The following CRMP1 variants were observed in gnomAD, a reference collection of about 807,000 sequenced individuals.
CRMP1 encodes the protein dihydropyrimidinase-related protein 1.
A neutral mutation model predicts 68.3 loss-of-function variants in CRMP1; 19 were observed. The ratio of observed to expected loss-of-function variants is 0.28; its 90% confidence interval spans 0.19 to 0.41. The LOEUF is 0.41. Ranked by LOEUF, CRMP1 falls within the 10% of genes least tolerant of loss-of-function variation. The pLI, the probability that CRMP1 is intolerant of heterozygous loss-of-function variation, is 1.00. For missense variants in CRMP1, 791 were observed against 967.4 expected (o/e 0.82, Z 2.42); for synonymous variants, 439 against 399.6 (o/e 1.10, Z -1.18).
chr4:5,885,337 C>T (rs1715507962), intron 1 of CRMP1, among the ~76,000 whole-genome samples: 2 of 152,144 alleles, frequency 1.3e-5, no homozygotes, highest in African/African-American at 4.8e-5. Context: ...CACAGGATGA[C>T]CCAGCAACAA....
chr4:5,865,634 AAAAG>A lies in CRMP1; in HGVS notation c.470+1030_470+1033del, dbSNP rs1713942420. 6.6e-6 allele frequency among the ~76,000 whole-genome samples: 1 copy of A among 151,778 alleles called. No individual in the cohort carries two copies. The highest frequency in any genetic ancestry group is 2.4e-5 in the African/African-American group (1 of 41,308). ...GACTCCGTCTCAAAAAAAAAAAAAA[AAAAG>A]AAGGCCGCCGCCTACAGACCCCTGC... On this transcript the variant is annotated intron_variant, in intron 2 of 13. Transcript: ENST00000324989. The surrounding 1 kb of genome is among the most constrained non-coding windows in gnomAD (Gnocchi z 4.1).
Position 5,850,307 on chromosome 4 carries a change from C to T in CRMP1, c.883-835G>A, listed in dbSNP as rs1712528335. 1.3e-5 allele frequency among the ~76,000 whole-genome samples: 2 copies of T among 152,312 alleles called. No individual in the cohort carries two copies. The highest frequency in any genetic ancestry group is 1.3e-4 in the Admixed American group (2 of 15,302). Reference sequence around the variant, plus strand: ...CAGAGGCTGCTCGATTCCATCCATGCCCATGGCTCCAGTAGTTAGAATGAA... The same window carrying T: ...CAGAGGCTGCTCGATTCCATCCATGTCCATGGCTCCAGTAGTTAGAATGAA... On this transcript the variant is annotated intron_variant, in intron 5 of 13. Transcript: ENST00000324989. The surrounding 1 kb of genome is among the most constrained non-coding windows in gnomAD (Gnocchi z 4.4).
At position 5,893,053 on chromosome 4, in the gene CRMP1, C is replaced by T. The variant is rs933697324; in HGVS notation, c.-84G>A. The T allele has an allele frequency of 6.5e-6, 6 of 927,510 alleles. No individual in the cohort carries two copies. The highest frequency in any genetic ancestry group is 5.2e-4 in the Middle Eastern group (1 of 1,934). The allele number at this position is 927,510 out of a possible 1,614,324, so 57.5% of individuals were successfully genotyped here. ...CCGCCGTGCGCCGCGCTCCGCGCCT[C>T]GGTGCGGGCCTGCGGCGGCCCGGGC... On this transcript the variant is annotated 5_prime_UTR_variant, in exon 1 of 14. Coordinates refer to ENST00000324989, the MANE Select transcript of CRMP1 (RefSeq NM_001014809.3).
chr4:5,823,860 C>G (rs1194279780), intron 13 of CRMP1, among the ~76,000 whole-genome samples: 1 of 152,216 alleles, frequency 6.6e-6, no homozygotes, highest in African/African-American at 2.4e-5. Flanking sequence ...AAAACAGACA[C>G]TAACTCATGG....
chr4:5,842,079 A>G lies in CRMP1; in HGVS notation c.1033-651T>C, dbSNP rs1440563025. Among the ~76,000 whole-genome samples the G allele has an allele frequency of 6.6e-6, 1 of 152,192 alleles. No individual in the cohort carries two copies. The highest frequency in any genetic ancestry group is 1.5e-5 in the Non-Finnish European group (1 of 68,036). ...ACGGTGAAACCCTGTCTCTACTGAA[A>G]ATACAAAAAATTAGCCAGTGTGGTG... On this transcript the variant is annotated intron_variant, in intron 7 of 13. Transcript: ENST00000324989. The surrounding 1 kb of genome is among the most constrained non-coding windows in gnomAD (Gnocchi z 4.5).
rs1714341844 is a variant in CRMP1, at chr4:5,870,200, A to C, written c.382-3444T>G. Among the ~76,000 whole-genome samples, 1 of 152,140 alleles carries C rather than the reference A, an allele frequency of 6.6e-6. No homozygotes were observed. The highest frequency in any genetic ancestry group is 2.4e-5 in the African/African-American group (1 of 41,440). On this transcript the variant is annotated intron_variant, in intron 1 of 13. Coordinates refer to ENST00000324989, the MANE Select transcript of CRMP1 (RefSeq NM_001014809.3). The surrounding 1 kb of genome is among the most constrained non-coding windows in gnomAD (Gnocchi z 6.0). ...CTTTGGGCCCTGCTTGATGTTACTT[A>C]TCTGAGTGCCCTCCGCTCGACTTCC...
intron 11 of CRMP1, among the ~76,000 whole-genome samples, chr4:5,833,865 A>G (rs1188152649): frequency 6.6e-6 from 1 of 152,166 alleles, no homozygotes; most frequent in Non-Finnish European, 1.5e-5. Context: ...TAACATGGTG[A>G]AACCTGTCTC....
rs912115187 is a variant in CRMP1, at chr4:5,842,057, G to A, written c.1033-629C>T. Among the ~76,000 whole-genome samples, 9 of 152,176 alleles carry A rather than the reference G, an allele frequency of 5.9e-5. No homozygotes were observed. Among genetic ancestry groups the A allele is most frequent in the African/African-American group, 1.9e-4 (8 of 41,446 alleles). On this transcript the variant is annotated intron_variant, in intron 7 of 13. Transcript: ENST00000324989. The surrounding 1 kb of genome is among the most constrained non-coding windows in gnomAD (Gnocchi z 4.5). ...GATCGAGACCATCCTGGCTAACACG[G>A]TGAAACCCTGTCTCTACTGAAAATA...
intron 1 of CRMP1, among the ~76,000 whole-genome samples, chr4:5,882,199 C>T (rs1715265160): frequency 6.6e-6 from 1 of 152,166 alleles, no homozygotes; most frequent in East Asian, 1.9e-4. Context: ...TTGCTTTGGC[C>T]AGTACACTAT....
rs1286437049 is a variant in CRMP1 at position 5,892,384 on chromosome 4, C to T, written c.381+205G>A. Among the ~76,000 whole-genome samples, 1 of 152,208 alleles carries T rather than the reference C, an allele frequency of 6.6e-6. No individual in the cohort carries two copies. Among genetic ancestry groups the T allele is most frequent in the Non-Finnish European group, 1.5e-5 (1 of 68,024 alleles). Reference sequence around the variant, plus strand: ...GGCGATCCCTTCCGAGTCTCACGGACCACGCCGGCCAGCCCCGACCGAGTC... The same window carrying T: ...GGCGATCCCTTCCGAGTCTCACGGATCACGCCGGCCAGCCCCGACCGAGTC... On this transcript the variant is annotated intron_variant, in intron 1 of 13. Transcript: ENST00000324989. The surrounding 1 kb of genome is among the most constrained non-coding windows in gnomAD (Gnocchi z 8.6).
In CRMP1 at chr4:5,872,424, C is replaced by T. The variant is rs1008092940; in HGVS notation, c.382-5668G>A. ...AACCTAGGCCAGGTGCGGTGGCTCA[C>T]GCCTGTAATCCCAGCACTTTGGGAG... On this transcript the variant is annotated intron_variant, in intron 1 of 13. Coordinates refer to ENST00000324989, the MANE Select transcript of CRMP1 (RefSeq NM_001014809.3). The surrounding 1 kb of genome is among the most constrained non-coding windows in gnomAD (Gnocchi z 4.6). Among the ~76,000 whole-genome samples, 5 of 152,284 alleles carry T rather than the reference C, an allele frequency of 3.3e-5. No individual in the cohort carries two copies. The highest frequency in any genetic ancestry group is 5.9e-5 in the Non-Finnish European group (4 of 68,040).
chr4:5,858,504 G>A lies in CRMP1; in HGVS notation c.656-2197C>T, dbSNP rs915580917. Among the ~76,000 whole-genome samples, 17 of 151,910 alleles carry A rather than the reference G, an allele frequency of 1.1e-4. No homozygotes were observed. The highest frequency in any genetic ancestry group is 3.1e-4 in the African/African-American group (13 of 41,328). On this transcript the variant is annotated intron_variant, in intron 3 of 13. Coordinates refer to ENST00000324989, the MANE Select transcript of CRMP1 (RefSeq NM_001014809.3). The surrounding 1 kb of genome is among the most constrained non-coding windows in gnomAD (Gnocchi z 5.5). ...CACTTCCTTTCCCTCACATGCCCCC[G>A]TGTGTGACCCAGCACCGAAGGCTGT... is the stretch of plus-strand genomic sequence containing the variant.
Position 5,869,137 on chromosome 4 carries a change from G to C in CRMP1, c.382-2381C>G, listed in dbSNP as rs139850515. 1.7e-4 allele frequency among the ~76,000 whole-genome samples: 26 copies of C among 152,086 alleles called. No homozygotes were observed. The East Asian group carries it at 4.9e-3, about 28-fold the overall frequency. On this transcript the variant is annotated intron_variant, in intron 1 of 13. Transcript: ENST00000324989. ...CTGGCTAATTTAAATTTTTTTTGTA[G>C]AGATGGGGTCTCAGTGTGTTGCCCA...
chr4:5,839,814 G>C, intron 8 of CRMP1, 136 bp from the exon 9 acceptor site: 7 of 1,060,230 alleles, frequency 6.6e-6, no homozygotes, highest in Non-Finnish European at 9.2e-6. Flanking sequence ...GTTCTTGCAG[G>C]CATCACCGCC....
chr4:5,860,739 T>G lies in CRMP1; in HGVS notation c.655+287A>C, dbSNP rs376703208. Among the ~76,000 whole-genome samples, 2 of 152,328 alleles carry G rather than the reference T, an allele frequency of 1.3e-5. No homozygotes were observed. The highest frequency in any genetic ancestry group is 3.9e-4 in the East Asian group (2 of 5,178). ...TCTAAATGTGACTTCAGTCTCATGC[T>G]AAGCGATTATATCAATGAGATGTTG... is the stretch of plus-strand genomic sequence containing the variant. On this transcript the variant is annotated intron_variant, in intron 3 of 13. Transcript: ENST00000324989. This position sits in a 1 kb window ranked among gnomAD's most constrained non-coding sequence, Gnocchi z 4.2.
At chr4:5,840,174 G>A (rs1002283177) in intron 8 of CRMP1, among the ~76,000 whole-genome samples, 1 of 152,162 alleles carries the variant, frequency 6.6e-6, no homozygotes, top group African/African-American at 2.4e-5. Context: ...ACAGCTGAGG[G>A]CCCTGGCACT....
intron 6 of CRMP1, among the ~76,000 whole-genome samples, chr4:5,848,595 G>T (rs1263452598): frequency 6.6e-6 from 1 of 152,202 alleles, no homozygotes; most frequent in Admixed American, 6.5e-5. Flanking sequence ...AGTCCATTAT[G>T]TGTCAGATTC....
chr4:5,876,144 C>T (rs1714811806), intron 1 of CRMP1, among the ~76,000 whole-genome samples: 1 of 147,380 alleles, frequency 6.8e-6, no homozygotes, highest in Non-Finnish European at 1.5e-5. Flanking sequence ...CAGAGTGAGA[C>T]TCCATCTCAA....
In CRMP1 at chr4:5,891,278, C is replaced by T. The variant is rs1021823293; in HGVS notation, c.381+1311G>A. Among the ~76,000 whole-genome samples, 1 of 151,044 alleles carries T rather than the reference C, an allele frequency of 6.6e-6. No individual in the cohort carries two copies. Among genetic ancestry groups the T allele is most frequent in the African/African-American group, 2.4e-5 (1 of 41,228 alleles). Reference sequence around the variant, plus strand: ...AGGACCACGGAGAGCTCTGGAGCAACAGCCCGCCCGCGAAGGGATGGGGCC... The same window carrying T: ...AGGACCACGGAGAGCTCTGGAGCAATAGCCCGCCCGCGAAGGGATGGGGCC... On this transcript the variant is annotated intron_variant, in intron 1 of 13. Transcript: ENST00000324989. The surrounding 1 kb of genome is among the most constrained non-coding windows in gnomAD (Gnocchi z 5.2).
Sources: gnomAD v4.1 joint callset for allele counts (sites outside exome capture counted in the v4.1 genomes callset) on GRCh38, gnomAD v4.1.1 for gene constraint, Gnocchi (gnomAD v3.1) non-coding constraint, MANE v1.5 for transcripts, NCBI Gene and HGNC (gene_info 2026-07-23, HGNC 2026-07-21) for gene names.